The following FAM131B variants were observed in gnomAD, a reference collection of about 807,000 sequenced individuals.
FAM131B encodes protein FAM131B.
In FAM131B, 19 loss-of-function variants were observed where a neutral mutation model predicts 42.0. The observed-to-expected ratio is 0.45, with a 90% CI of 0.32 to 0.66. The LOEUF (loss-of-function observed/expected upper bound fraction) is 0.66, where lower values mean the gene tolerates loss of function less well. FAM131B is among the 30% of genes least tolerant of loss of function. The pLI is 0.05. For missense variants in FAM131B, 370 were observed against 468.4 expected (o/e 0.79, Z 1.94); for synonymous variants, 183 against 177.6 (o/e 1.03, Z -0.24).
At chr7:143,381,368 G>A in the FAM131B span, 18 of 1,163,970 alleles carry the variant, frequency 1.5e-5, no homozygotes, top group Non-Finnish European at 1.9e-5. Context: ...ACCCGGCGCC[G>A]AGGCGGCCAC....
At chr7:143,381,220 GC>G in the FAM131B span, 1 of 1,004,930 alleles carries the variant, frequency 1.0e-6, no homozygotes, top group South Asian at 4.7e-5. Flanking sequence ...CGCTCTCCCC[GC>G]CCCCTCTCCG....
chr7:143,374,148 A>C, the FAM131B span, among the ~76,000 whole-genome samples: 6 of 151,714 alleles, frequency 4.0e-5, no homozygotes, highest in African/African-American at 1.2e-4. Context: ...ATAAATGTGG[A>C]TCTTCAGTAT....
the FAM131B span, among the ~76,000 whole-genome samples, chr7:143,370,140 G>A: frequency 2.0e-5 from 3 of 152,196 alleles, no homozygotes; most frequent in Non-Finnish European, 4.4e-5. Flanking sequence ...ACTGTGTTGG[G>A]GGCAGGGCCA....
the FAM131B span, chr7:143,381,393 G>A: frequency 8.4e-7 from 1 of 1,188,266 alleles, no homozygotes; most frequent in South Asian, 4.0e-5. Flanking sequence ...GACGCGGCGC[G>A]CACGCTCCGG....
chr7:143,381,372 C>T, the FAM131B span: 4 of 1,167,466 alleles, frequency 3.4e-6, no homozygotes, highest in Non-Finnish European at 4.2e-6. Flanking sequence ...GGCGCCGAGG[C>T]GGCCACCCGA....
the FAM131B span, among the ~76,000 whole-genome samples, chr7:143,375,528 A>T: frequency 1.3e-5 from 2 of 152,290 alleles, no homozygotes; most frequent in Non-Finnish European, 2.9e-5. Context: ...GGTGGCAGGA[A>T]GGGCAGCCTA....
At chr7:143,376,500 A>G in the FAM131B span, among the ~76,000 whole-genome samples, 5 of 152,206 alleles carry the variant, frequency 3.3e-5, no homozygotes, top group Non-Finnish European at 7.3e-5. Flanking sequence ...AGAAAGAAGG[A>G]AACGTGGGCA....
In FAM131B at chr7:143,358,930, C is replaced by T. The variant is rs140484265; in HGVS notation, c.363G>A (p.Lys121=). ...TGTGTTGTGGCTGAACAGCTGGTGT[C>T]TTCCCCCAGCCCTGCCACTCAATCA... ...AHMIEWQGWG[K]TPAVQPQHSH... The change falls in exon 5 of 7, where the codon AAG becomes AAA. Residue 121 remains lysine (K), a synonymous_variant. Coordinates refer to ENST00000443739, the MANE Select transcript of FAM131B (RefSeq NM_001031690.3). The surrounding 1 kb of genome is among the most constrained non-coding windows in gnomAD (Gnocchi z 4.7). The T allele has an allele frequency of 1.4e-4, 219 of 1,613,810 alleles. 1 individual carries two copies. In the African/African-American group the frequency reaches 2.4e-3, roughly 18 times the overall value.
chr7:143,382,193 G>A, the FAM131B span: 1 of 1,464,426 alleles, frequency 6.8e-7, no homozygotes, highest in Non-Finnish European at 9.5e-7. Flanking sequence ...ACTGAGGGGA[G>A]CTTGGGTGAG....
rs752216690 is a variant in FAM131B, at chr7:143,356,522, G to A, written c.*28C>T. On this transcript the variant is annotated 3_prime_UTR_variant, in exon 7 of 7. Transcript: ENST00000443739. This position sits in a 1 kb window ranked among gnomAD's most constrained non-coding sequence, Gnocchi z 4.4. ...TCACAGCCATGGCCCTCAGGTGGGA[G>A]TGGAAGGCAGGGCATTGGGGGAGGA... The A allele has an allele frequency of 3.9e-6, 6 of 1,546,978 alleles. 1 individual carries two copies. The South Asian group carries it at 6.8e-5, about 18-fold the overall frequency.
Position 143,356,180 on chromosome 7 carries a change from C to T in FAM131B, c.*370G>A, listed in dbSNP as rs909706660. Reference sequence around the variant, plus strand: ...CAGCAGAGTTACAGCTCCTGGAAGACGAAATCGGGGCGTGAAGAACTGAGA... The same window carrying T: ...CAGCAGAGTTACAGCTCCTGGAAGATGAAATCGGGGCGTGAAGAACTGAGA... On this transcript the variant is annotated 3_prime_UTR_variant, in exon 7 of 7. Transcript: ENST00000443739. The surrounding 1 kb of genome is among the most constrained non-coding windows in gnomAD (Gnocchi z 4.4). 3 of 230,052 alleles carry T rather than the reference C, an allele frequency of 1.3e-5. No homozygotes were observed. In the South Asian group the frequency reaches 2.9e-4, roughly 22 times the overall value. The allele number at this position is 230,052 out of a possible 1,614,324, so 14.3% of individuals were successfully genotyped here.
the FAM131B span, chr7:143,381,473 G>T: frequency 7.3e-7 from 1 of 1,378,586 alleles, no homozygotes; most frequent in Non-Finnish European, 9.4e-7. Flanking sequence ...GGGAGGGGGC[G>T]AGTGGGGGTC....
the FAM131B span, among the ~76,000 whole-genome samples, chr7:143,376,273 A>G: frequency 1.3e-5 from 2 of 152,148 alleles, no homozygotes; most frequent in African/African-American, 2.4e-5. Context: ...TTTTTTTTCT[A>G]ATCTTAACAC....
At chr7:143,381,793 C>T in the FAM131B span, 1 of 1,540,132 alleles carries the variant, frequency 6.5e-7, no homozygotes, top group South Asian at 1.2e-5. Context: ...TGCGGCGGGG[C>T]TTGGGGAATG....
chr7:143,359,538 A>G lies in FAM131B; in HGVS notation c.175-119T>C. On this transcript the variant is annotated intron_variant, in intron 3 of 6. Coordinates refer to ENST00000443739, the MANE Select transcript of FAM131B (RefSeq NM_001031690.3). The surrounding 1 kb of genome is among the most constrained non-coding windows in gnomAD (Gnocchi z 5.4). ...TTCGAGCTAGGGCAGATGATAAGAAAAGCTACTATACCCAAGAGTCCCAAG... is the reference window on the plus strand; with the variant it reads ...TTCGAGCTAGGGCAGATGATAAGAAGAGCTACTATACCCAAGAGTCCCAAG... 2.1e-6 allele frequency: 2 copies of G among 964,436 alleles called. No homozygotes were observed. The highest frequency in any genetic ancestry group is 3.3e-6 in the Non-Finnish European group (2 of 609,364). 59.7% of individuals were successfully genotyped at this position (964,436 alleles called of 1,614,324 possible). A position where few individuals can be genotyped will look rare whatever the true frequency, so the allele number is the denominator to read the frequency against.
the FAM131B span, chr7:143,382,284 G>T: frequency 6.2e-7 from 1 of 1,612,744 alleles, no homozygotes; most frequent in African/African-American, 1.3e-5. Context: ...GCTGGGGATG[G>T]CGACGATGCA....
the FAM131B span, among the ~76,000 whole-genome samples, chr7:143,372,890 C>T: frequency 4.0e-5 from 6 of 150,870 alleles, no homozygotes; most frequent in East Asian, 2.0e-4. Context: ...ACCCGGGAGG[C>T]GGAGGTTGCA....
the FAM131B span, chr7:143,380,980 G>A: frequency 8.8e-4 from 244 of 277,992 alleles, no homozygotes; most frequent in Admixed American, 1.7e-3. The surrounding 1 kb of genome is among the most constrained non-coding windows in gnomAD (Gnocchi z 5.0). Flanking sequence ...TAAGCCCGGA[G>A]GGGGACGGTG....
chr7:143,371,069 T>G, the FAM131B span, among the ~76,000 whole-genome samples: 1 of 152,184 alleles, frequency 6.6e-6, no homozygotes, highest in Non-Finnish European at 1.5e-5. Context: ...TGTCTTTTTT[T>G]GTTAGTTTTT....
Sources: gnomAD v4.1 joint callset for allele counts (sites outside exome capture counted in the v4.1 genomes callset) on GRCh38, gnomAD v4.1.1 for gene constraint, Gnocchi (gnomAD v3.1) non-coding constraint, MANE v1.5 for transcripts, NCBI Gene and HGNC (gene_info 2026-07-23, HGNC 2026-07-21) for gene names.